NMU: variants seen among roughly 807,000 people sequenced by gnomAD.
The protein encoded by NMU is neuromedin-U.
In NMU, 29 loss-of-function variants were observed where a neutral mutation model predicts 35.4. The observed-to-expected ratio is 0.82, with a 90% CI of 0.61 to 1.12. The LOEUF (loss-of-function observed/expected upper bound fraction) is 1.12, where lower values mean the gene tolerates loss of function less well. Among genes scored for constraint, NMU ranks in the 50% most tolerant of loss-of-function variants. The pLI, the probability that NMU is intolerant of heterozygous loss-of-function variation, is 0.00. For synonymous variants in NMU, 78 were observed against 81.3 expected (o/e 0.96, Z 0.22); for missense variants, 199 against 206.2 (o/e 0.97, Z 0.21).
chr4:55,595,563 T>TATATACACAC (rs755203914), intron 9 of NMU, among the ~76,000 whole-genome samples, 152 bp from the exon 10 acceptor site: 95 of 120,050 alleles, frequency 7.9e-4, no homozygotes, highest in Admixed American at 1.3e-3. Flanking sequence ...TATATATATA[T>TATATACACAC]ACACACACAC....
intron 1 of NMU, among the ~76,000 whole-genome samples, chr4:55,631,897 A>C (rs1264747994): frequency 6.6e-6 from 1 of 152,262 alleles, no homozygotes; most frequent in Non-Finnish European, 1.5e-5. Context: ...GCAACTGCAA[A>C]GATATGGAAA....
upstream of NMU, chr4:55,636,332 G>C (rs894121830): frequency 3.2e-6 from 4 of 1,256,704 alleles, no homozygotes; most frequent in South Asian, 1.8e-5. The surrounding 1 kb of genome is among the most constrained non-coding windows in gnomAD (Gnocchi z 4.0). Flanking sequence ...TTTAAATCTC[G>C]CGCACAAGTG....
chr4:55,616,523 G>A (rs1734113359), intron 2 of NMU, 138 bp from the exon 3 acceptor site: 1 of 724,648 alleles, frequency 1.4e-6, no homozygotes, highest in Non-Finnish European at 2.4e-6. Flanking sequence ...TGGAAGACAG[G>A]AGCCTCAAAA....
intron 9 of NMU, among the ~76,000 whole-genome samples, chr4:55,598,074 G>A (rs1317205161): frequency 8.7e-6 from 1 of 114,994 alleles, no homozygotes; most frequent in Non-Finnish European, 1.9e-5. Flanking sequence ...CTTTGTTGTT[G>A]TTGTTTTGGT....
rs1715906565 is a variant in NMU at position 55,636,070 on chromosome 4, GGCCGTCTTACCTCGGCAGGCGCCC to G, written c.99_112+10del. On this transcript the variant is annotated splice_donor_variant and splice_donor_5th_base_variant and coding_sequence_variant and intron_variant, in exon 1 of 10. Transcript: ENST00000264218. LOFTEE classifies it high-confidence loss of function. This position sits in a 1 kb window ranked among gnomAD's most constrained non-coding sequence, Gnocchi z 4.0. ...ATGGCGTGGAAGCGGCCGGGTGCGG[GGCCGTCTTACCTCGGCAGGCGCCC>G]GCGCACCAGGCGAGCAGCAGCAGCA... is the stretch of plus-strand genomic sequence containing the variant. 1.3e-6 allele frequency: 2 copies of G among 1,531,084 alleles called. No individual in the cohort carries two copies. Among genetic ancestry groups the G allele is most frequent in the Admixed American group, 2.0e-5 (1 of 50,864 alleles). The allele number at this position is 1,531,084 out of a possible 1,614,324, so 94.8% of individuals were successfully genotyped here.
At chr4:55,616,037 C>T (rs1222387084) in intron 3 of NMU, among the ~76,000 whole-genome samples, 1 of 152,192 alleles carries the variant, frequency 6.6e-6, no homozygotes, top group African/African-American at 2.4e-5. Flanking sequence ...GCATGAGCCA[C>T]TGCACCCTGA....
chr4:55,636,370 G>T (rs1020235079), upstream of NMU: 2 of 960,250 alleles, frequency 2.1e-6, no homozygotes, highest in Non-Finnish European at 1.4e-6. This position sits in a 1 kb window ranked among gnomAD's most constrained non-coding sequence, Gnocchi z 4.0. Context: ...CCCGCCGCGC[G>T]TCACCTCGCC....
At position 55,595,804 on chromosome 4, in the gene NMU, C is replaced by T. The variant is rs1041704793; in HGVS notation, c.*5-393G>A. On this transcript the variant is annotated intron_variant, in intron 9 of 9. Transcript: ENST00000264218. Reference sequence around the variant, plus strand: ...TACAGAAGTGCACCACCATGCCCAGCTAATTTTTGTATTTTTAGTAGAGAC... The same window carrying T: ...TACAGAAGTGCACCACCATGCCCAGTTAATTTTTGTATTTTTAGTAGAGAC... Among the ~76,000 whole-genome samples the T allele has an allele frequency of 5.3e-5, 8 of 151,512 alleles. No individual in the cohort carries two copies. In the East Asian group the frequency reaches 5.8e-4, roughly 11 times the overall value.
At chr4:55,604,181 T>A (rs1258163370) in intron 7 of NMU, among the ~76,000 whole-genome samples, 1 of 149,650 alleles carries the variant, frequency 6.7e-6, no homozygotes, top group African/African-American at 2.5e-5. Flanking sequence ...TTCTTCTGCC[T>A]CAGCCTCCCG....
chr4:55,596,640 C>T (rs1309536420), intron 9 of NMU, among the ~76,000 whole-genome samples: 2 of 152,004 alleles, frequency 1.3e-5, no homozygotes, highest in African/African-American at 2.4e-5. Context: ...ATTTATCAGG[C>T]CTCTTCTGAA....
At chr4:55,611,638 A>ATT (rs764485508) in intron 3 of NMU, among the ~76,000 whole-genome samples, 3 of 152,086 alleles carry the variant, frequency 2.0e-5, no homozygotes, top group African/African-American at 4.8e-5. Context: ...TACATTATGT[A>ATT]TTTACTGTAC....
At chr4:55,625,896 T>C (rs1254147177) in intron 2 of NMU, among the ~76,000 whole-genome samples, 2 of 151,978 alleles carry the variant, frequency 1.3e-5, no homozygotes, top group African/African-American at 4.8e-5. Context: ...ACATGTTGCC[T>C]ATCCACTCCC....
rs1312405702 is a variant in NMU at position 55,636,284 on chromosome 4, C to T, written c.-92G>A. The T allele has an allele frequency of 2.9e-5, 40 of 1,396,782 alleles. No homozygotes were observed. In the East Asian group the frequency reaches 9.0e-4, roughly 31 times the overall value. The allele number at this position is 1,396,782 out of a possible 1,614,324, so 86.5% of individuals were successfully genotyped here. A position where few individuals can be genotyped will look rare whatever the true frequency, so the allele number is the denominator to read the frequency against. On this transcript the variant is annotated 5_prime_UTR_variant, in exon 1 of 10. Coordinates refer to ENST00000264218, the MANE Select transcript of NMU (RefSeq NM_006681.4). The surrounding 1 kb of genome is among the most constrained non-coding windows in gnomAD (Gnocchi z 4.0). ...CTGGTGCCCTGGCTGTGCCTCGGGG[C>T]CCGGACACAGGACTGAGCGCCCGGC...
chr4:55,632,939 C>G (rs1283211716), intron 1 of NMU, among the ~76,000 whole-genome samples: 1 of 144,266 alleles, frequency 6.9e-6, no homozygotes, highest in Non-Finnish European at 1.5e-5. Context: ...TGTGGCTCTT[C>G]TAAAAAACAC....
At chr4:55,616,516 A>G in intron 2 of NMU, 131 bp from the exon 3 acceptor site, 1 of 742,714 alleles carries the variant, frequency 1.3e-6, no homozygotes, top group African/African-American at 1.8e-5. Flanking sequence ...CTGGATTTGG[A>G]AGACAGGAGC....
intron 3 of NMU, among the ~76,000 whole-genome samples, chr4:55,613,932 T>C (rs548779265): frequency 1.3e-3 from 193 of 152,298 alleles, no homozygotes; most frequent in African/African-American, 4.5e-3. Context: ...TAAAATGATA[T>C]ATTCCCAAAA....
intron 7 of NMU, among the ~76,000 whole-genome samples, chr4:55,603,035 TCACCCAGGCTGGAGTGCAGTGG>T (rs1733485876): frequency 6.6e-6 from 1 of 152,158 alleles, no homozygotes; most frequent in Admixed American, 6.5e-5. Flanking sequence ...TCTTGCTCTG[TCACCCAGGCTGGAGTGCAGTGG>T]CACGATCTCG....
At chr4:55,609,382 C>G (rs1190440908) in intron 3 of NMU, among the ~76,000 whole-genome samples, 1 of 122,446 alleles carries the variant, frequency 8.2e-6, no homozygotes, top group Admixed American at 8.9e-5. Flanking sequence ...TCCTTCTAAC[C>G]AGAAAAAAAA....
intron 2 of NMU, among the ~76,000 whole-genome samples, chr4:55,618,580 TTC>T (rs1210937316): frequency 2.0e-5 from 3 of 152,106 alleles, no homozygotes; most frequent in Admixed American, 6.5e-5. Context: ...TTTCTTTTCT[TTC>T]TTTCTTGTCT....
Sources: allele counts gnomAD v4.1 joint callset (sites outside exome capture counted in the v4.1 genomes callset), GRCh38; gene constraint gnomAD v4.1.1; non-coding constraint Gnocchi (gnomAD v3.1); transcripts MANE v1.5; gene names NCBI Gene and HGNC (gene_info 2026-07-23, HGNC 2026-07-21).